STYX: variants seen among roughly 807,000 people sequenced by gnomAD.
STYX encodes serine/threonine/tyrosine-interacting protein.
In STYX, 20 loss-of-function variants were observed where a neutral mutation model predicts 42.7. The ratio of observed to expected loss-of-function variants is 0.47; its 90% confidence interval spans 0.33 to 0.68. The LOEUF is 0.68. Ranked by LOEUF, STYX falls within the 30% of genes least tolerant of loss-of-function variation. The pLI, the probability that STYX is intolerant of heterozygous loss-of-function variation, is 0.02. For missense variants in STYX, 226 were observed against 268.5 expected, an observed-to-expected ratio of 0.84 and a Z score of 1.11; for synonymous variants, 78 against 81.9, an observed-to-expected ratio of 0.95 and a Z score of 0.26.
Position 52,752,884 on chromosome 14 carries a change from T to TTTG in STYX, c.242+2106_242+2107insGTT, listed in dbSNP as rs1566675168. Among the ~76,000 whole-genome samples the TTTG allele has an allele frequency of 4.5e-3, 626 of 140,534 alleles. 6 individuals carry two copies. Among genetic ancestry groups the TTTG allele is most frequent in the African/African-American group, 0.016 (600 of 37,034 alleles). The allele number at this position is 140,534 out of a possible 152,430, so 92.2% of individuals were successfully genotyped here. A position where few individuals can be genotyped will look rare whatever the true frequency, so the allele number is the denominator to read the frequency against. On this transcript the variant is annotated intron_variant, in intron 4 of 10. Transcript: ENST00000354586. ...TTTTGTTTTTTTTTGTTGTTGTTGT[T>TTTG]TTTTTTTTTTTTTTGAGATGGAGTC...
intron 1 of STYX, among the ~76,000 whole-genome samples, chr14:52,744,448 T>C (rs997849636): frequency 6.6e-6 from 1 of 152,228 alleles, no homozygotes; most frequent in Non-Finnish European, 1.5e-5. Flanking sequence ...GACACTCTTC[T>C]TCCTGTCTTG....
rs964373516 is a variant in STYX at position 52,733,995 on chromosome 14, GA to G, written c.57+3466del. On this transcript the variant is annotated intron_variant, in intron 1 of 10. Transcript: ENST00000354586. ...CATTCCATGCTCACCTCATGTAAAT[GA>G]AGAGGTGGCTTGCAATTGGTCTGAT... 2.6e-4 allele frequency among the ~76,000 whole-genome samples: 40 copies of G among 152,184 alleles called. 1 individual carries two copies. The highest frequency in any genetic ancestry group is 2.0e-3 in the Admixed American group (30 of 15,280).
intron 1 of STYX, among the ~76,000 whole-genome samples, chr14:52,732,431 C>T (rs867602783): frequency 2.0e-5 from 3 of 151,862 alleles, no homozygotes; most frequent in African/African-American, 7.3e-5. Context: ...CGCTACCACA[C>T]CGGGCTAATT....
chr14:52,742,269 G>A (rs1881223336), intron 1 of STYX, among the ~76,000 whole-genome samples: 1 of 152,124 alleles, frequency 6.6e-6, no homozygotes, highest in African/African-American at 2.4e-5. Flanking sequence ...TCTTTCCCTA[G>A]TTTATCTTTC....
chr14:52,766,499 G>T (rs911322192), intron 9 of STYX, among the ~76,000 whole-genome samples: 1 of 151,992 alleles, frequency 6.6e-6, no homozygotes, highest in Non-Finnish European at 1.5e-5. Flanking sequence ...GTAGAGATGG[G>T]GTTTTGCCAT....
chr14:52,736,283 T>C (rs1315884825), intron 1 of STYX, among the ~76,000 whole-genome samples: 1 of 152,246 alleles, frequency 6.6e-6, no homozygotes, highest in South Asian at 2.1e-4. Flanking sequence ...CCTCATCCTC[T>C]AGACTGGTTC....
rs1882406841 is a variant in STYX, at chr14:52,768,828, T to G, written c.505-12T>G. On this transcript the variant is annotated splice_polypyrimidine_tract_variant and intron_variant, in intron 9 of 10. Coordinates refer to ENST00000354586, the MANE Select transcript of STYX (RefSeq NM_145251.4). ...ATATATAATTAAGTTAATTAACTTA[T>G]TTTTTTTTTAGGAATATGAAGCCAT... 1 of 1,331,152 alleles carries G rather than the reference T, an allele frequency of 7.5e-7. No homozygotes were observed. Among genetic ancestry groups the G allele is most frequent in the Middle Eastern group, 2.0e-4 (1 of 4,884 alleles). 82.5% of individuals were successfully genotyped at this position (1,331,152 alleles called of 1,614,324 possible).
At chr14:52,730,581 G>A (rs749602523) in intron 1 of STYX, 50 bp downstream of exon 1, 11 of 1,588,872 alleles carry the variant, frequency 6.9e-6, no homozygotes, top group Non-Finnish European at 9.4e-6. Flanking sequence ...TGTGGCTCCG[G>A]CCGAGGGGCG....
chr14:52,774,591 A>ATTTTTTTTTTT lies in STYX; in HGVS notation c.*3492_*3502dup, dbSNP rs36115577. 10 of 136,264 alleles carry ATTTTTTTTTTT rather than the reference A, an allele frequency of 7.3e-5. No individual in the cohort carries two copies. The highest frequency in any genetic ancestry group is 1.1e-4 in the Non-Finnish European group (7 of 63,016). The allele number at this position is 136,264 out of a possible 1,614,324, so 8.4% of individuals were successfully genotyped here. On this transcript the variant is annotated 3_prime_UTR_variant, in exon 11 of 11. Transcript: ENST00000354586. ...GTCTCTAGGGTCTTTGAATGCTGGA[A>ATTTTTTTTTTT]TTTTTTTTTTTTTTTTTGTCTTTCC...
At position 52,758,046 on chromosome 14, in the gene STYX, A is replaced by G. The variant is rs557991745; in HGVS notation, c.431+122A>G. 157 of 1,060,118 alleles carry G rather than the reference A, an allele frequency of 1.5e-4. No homozygotes were observed. The African/African-American group carries it at 2.3e-3, about 15-fold the overall frequency. 65.7% of individuals were successfully genotyped at this position (1,060,118 alleles called of 1,614,324 possible). A position where few individuals can be genotyped will look rare whatever the true frequency, so the allele number is the denominator to read the frequency against. On this transcript the variant is annotated intron_variant, in intron 8 of 10. Transcript: ENST00000354586. ...ATTATTTTTCATGTAGTCATGTTTG[A>G]TTAGGCAGGCCCTTATTCCATGATT...
At chr14:52,767,538 C>T (rs1445926401) in intron 9 of STYX, among the ~76,000 whole-genome samples, 1 of 151,882 alleles carries the variant, frequency 6.6e-6, no homozygotes, top group Admixed American at 6.6e-5. Context: ...TAACTGGTTC[C>T]TTCTTGATTA....
At chr14:52,737,813 T>G (rs748712768) in intron 1 of STYX, among the ~76,000 whole-genome samples, 8 of 152,142 alleles carry the variant, frequency 5.3e-5, no homozygotes, top group Non-Finnish European at 8.8e-5. Context: ...GTTTGTTTGT[T>G]TTAACAGGTT....
chr14:52,735,056 C>CAAA (rs11409405), intron 1 of STYX, among the ~76,000 whole-genome samples: 2 of 138,914 alleles, frequency 1.4e-5, no homozygotes, highest in African/African-American at 5.3e-5. Context: ...GACTCCATCT[C>CAAA]AAAAAAAAAA....
At chr14:52,760,841 A>G (rs1018416523) in intron 9 of STYX, among the ~76,000 whole-genome samples, 8 of 151,620 alleles carry the variant, frequency 5.3e-5, no homozygotes, top group African/African-American at 1.7e-4. Context: ...GTGGATACAT[A>G]GTAGGTTAGG....
At chr14:52,769,558 A>G (rs1279463369) in intron 10 of STYX, among the ~76,000 whole-genome samples, 1 of 152,168 alleles carries the variant, frequency 6.6e-6, no homozygotes, top group Non-Finnish European at 1.5e-5. Context: ...ATCCACAAGT[A>G]TAGAACTCTT....
At chr14:52,738,344 C>T (rs1247073240) in intron 1 of STYX, among the ~76,000 whole-genome samples, 1 of 152,124 alleles carries the variant, frequency 6.6e-6, no homozygotes, top group African/African-American at 2.4e-5. Flanking sequence ...CTTATAATAT[C>T]TTCCATATAT....
At chr14:52,740,259 C>A (rs547060026) in intron 1 of STYX, among the ~76,000 whole-genome samples, 15 of 151,954 alleles carry the variant, frequency 9.9e-5, no homozygotes, top group Admixed American at 9.8e-4. Flanking sequence ...CCAGCCTAGG[C>A]GACAGAGCGA....
In STYX at chr14:52,755,113, G is replaced by GT. The variant is rs199911952; in HGVS notation, c.243-1431dup. On this transcript the variant is annotated intron_variant, in intron 4 of 10. Transcript: ENST00000354586. ...TCAGCTTCTGTGTTTTTTTTTGTTT[G>GT]TTTTTTTGTTTTTTTTTTTTTGTTT... is the stretch of plus-strand genomic sequence containing the variant. 6.5e-3 allele frequency among the ~76,000 whole-genome samples: 721 copies of GT among 110,662 alleles called. 7 individuals are homozygous for GT. Among genetic ancestry groups the GT allele is most frequent in the East Asian group, 0.059 (216 of 3,640 alleles). The allele number at this position is 110,662 out of a possible 152,430, so 72.6% of individuals were successfully genotyped here. A position where few individuals can be genotyped will look rare whatever the true frequency, so the allele number is the denominator to read the frequency against.
At chr14:52,770,687 C>T (rs1168313327) in intron 10 of STYX, among the ~76,000 whole-genome samples, 1 of 151,890 alleles carries the variant, frequency 6.6e-6, no homozygotes, top group African/African-American at 2.4e-5. Context: ...AATTTTATGC[C>T]CTAAGTCACA....
Sources: gnomAD v4.1 joint callset for allele counts (sites outside exome capture counted in the v4.1 genomes callset) on GRCh38, gnomAD v4.1.1 for gene constraint, MANE v1.5 for transcripts, NCBI Gene and HGNC (gene_info 2026-07-23, HGNC 2026-07-21) for gene names.